The following SDCCAG8 variants were observed in gnomAD, a reference collection of about 807,000 sequenced individuals.
SDCCAG8 encodes the protein serologically defined colon cancer antigen 8.
In SDCCAG8, 74 loss-of-function variants were observed where a neutral mutation model predicts 101.8. That is an observed-to-expected ratio of 0.73 (90% confidence interval 0.60 to 0.88). SDCCAG8 has a LOEUF of 0.88. Among genes scored for constraint, SDCCAG8 ranks in the 40% least tolerant of loss-of-function variants. SDCCAG8 has a pLI of 0.00. For synonymous variants in SDCCAG8, 281 were observed against 292.9 expected (o/e 0.96, Z 0.41); for missense variants, 787 against 822.6 (o/e 0.96, Z 0.53).
chr1:243,497,450 G>A (rs962673401), intron 17 of SDCCAG8, among the ~76,000 whole-genome samples: 24 of 152,012 alleles, frequency 1.6e-4, no homozygotes, highest in African/African-American at 5.8e-4. Context: ...AGATGGCCAT[G>A]GCTGATCTGC....
At chr1:243,469,909 C>T (rs1660893006) in intron 16 of SDCCAG8, among the ~76,000 whole-genome samples, 2 of 147,248 alleles carry the variant, frequency 1.4e-5, no homozygotes, top group Admixed American at 6.8e-5. Flanking sequence ...ACCTATCTCT[C>T]AGAGTTTCTT....
chr1:243,268,203 G>T, intron 1 of SDCCAG8: 1 of 502,038 alleles, frequency 2.0e-6, no homozygotes, highest in Non-Finnish European at 3.6e-6. Flanking sequence ...TAGTCAAACT[G>T]TCTCGTTCCT....
chr1:243,294,506 C>CGAGAGAGAGA (rs74162272), intron 6 of SDCCAG8, among the ~76,000 whole-genome samples: 12,461 of 105,902 alleles, frequency 0.12, 1,136 homozygotes, highest in Admixed American at 0.15. Context: ...AGAGAAAGAG[C>CGAGAGAGAGA]GAGAGAGAGA....
At chr1:243,328,301 C>T (rs536134208) in intron 9 of SDCCAG8, among the ~76,000 whole-genome samples, 4 of 149,552 alleles carry the variant, frequency 2.7e-5, no homozygotes, top group East Asian at 2.0e-4. Flanking sequence ...TTTTTGGGGA[C>T]GGAGTCACAC....
chr1:243,446,951 G>A (rs928955379), intron 16 of SDCCAG8, among the ~76,000 whole-genome samples: 2 of 152,062 alleles, frequency 1.3e-5, no homozygotes, highest in African/African-American at 4.8e-5. Context: ...GGAAACTCTT[G>A]GATTAAGAAC....
chr1:243,389,391 G>C (rs1419905208), intron 13 of SDCCAG8, among the ~76,000 whole-genome samples: 1 of 152,246 alleles, frequency 6.6e-6, no homozygotes, highest in East Asian at 1.9e-4. Context: ...AAGAAGCACA[G>C]CTAAATCTCT....
intron 9 of SDCCAG8, among the ~76,000 whole-genome samples, chr1:243,317,855 TG>T (rs1009497673): frequency 6.6e-6 from 1 of 152,228 alleles, no homozygotes; most frequent in African/African-American, 2.4e-5. Context: ...TAGCAAATAT[TG>T]GACAGTGCAG....
intron 6 of SDCCAG8, among the ~76,000 whole-genome samples, chr1:243,294,506 C>CGAGAGAGAGAGGGAGAGAGA (rs2070636461): frequency 9.4e-6 from 1 of 105,884 alleles, no homozygotes; most frequent in African/African-American, 3.2e-5. Context: ...AGAGAAAGAG[C>CGAGAGAGAGAGGGAGAGAGA]GAGAGAGAGA....
chr1:243,436,363 T>C (rs950371538), intron 16 of SDCCAG8, among the ~76,000 whole-genome samples: 7 of 152,182 alleles, frequency 4.6e-5, no homozygotes. Flanking sequence ...TTTTATAGTT[T>C]CGTGTTTTAC....
chr1:243,472,033 C>CA (rs1661370820), intron 16 of SDCCAG8, among the ~76,000 whole-genome samples: 1 of 152,188 alleles, frequency 6.6e-6, no homozygotes, highest in Non-Finnish European at 1.5e-5. Context: ...AGTGAGACCT[C>CA]ACAACTAGAA....
rs777679135 is a variant in SDCCAG8, at chr1:243,304,704, T to C, written c.676-9T>C. On this transcript the variant is annotated splice_polypyrimidine_tract_variant and intron_variant, in intron 6 of 17. Coordinates refer to ENST00000366541, the MANE Select transcript of SDCCAG8 (RefSeq NM_006642.5). ...GAGAAAAATGTACTTCTATTTTTCT[T>C]TTCTATAGGAGAAGCTAAAACTTAC... 2.5e-5 allele frequency: 37 copies of C among 1,483,038 alleles called. No homozygotes were observed. The highest frequency in any genetic ancestry group is 1.7e-4 in the Middle Eastern group (1 of 5,790). The allele number at this position is 1,483,038 out of a possible 1,614,324, so 91.9% of individuals were successfully genotyped here.
In SDCCAG8 at chr1:243,353,348, G is replaced by A. The variant is rs919388657; in HGVS notation, c.1473+9017G>A. On this transcript the variant is annotated intron_variant, in intron 12 of 17. Transcript: ENST00000366541. Reference sequence around the variant, plus strand: ...TCTACTAAAAATTCAAAAATTAGCCGGGTGTGGTGGCGCGCGCCTGTAATC... The same window carrying A: ...TCTACTAAAAATTCAAAAATTAGCCAGGTGTGGTGGCGCGCGCCTGTAATC... 4.0e-5 allele frequency among the ~76,000 whole-genome samples: 6 copies of A among 151,332 alleles called. 1 individual carries two copies. Among genetic ancestry groups the A allele is most frequent in the Admixed American group, 2.0e-4 (3 of 15,160 alleles).
intron 1 of SDCCAG8, among the ~76,000 whole-genome samples, chr1:243,258,964 C>T (rs1026824026): frequency 7.0e-6 from 1 of 142,782 alleles, no homozygotes; most frequent in African/African-American, 2.5e-5. Context: ...GGTCTTTCCT[C>T]ACCGGTTTTT....
chr1:243,326,711 G>A (rs1479647651), intron 9 of SDCCAG8, among the ~76,000 whole-genome samples: 4 of 152,128 alleles, frequency 2.6e-5, no homozygotes, highest in Admixed American at 1.3e-4. Flanking sequence ...ATGTTCAAAG[G>A]TGTGAGCTGT....
intron 16 of SDCCAG8, among the ~76,000 whole-genome samples, chr1:243,482,326 A>G (rs759533410): frequency 5.9e-5 from 9 of 152,130 alleles, no homozygotes; most frequent in African/African-American, 4.8e-5. Flanking sequence ...TGTTGGACCA[A>G]TGGAGATCTG....
intron 16 of SDCCAG8, among the ~76,000 whole-genome samples, chr1:243,477,336 G>C (rs1239161776): frequency 2.6e-5 from 4 of 152,030 alleles, no homozygotes; most frequent in Non-Finnish European, 4.4e-5. Flanking sequence ...CATTTCCTTT[G>C]CACAGTGGGG....
intron 13 of SDCCAG8, among the ~76,000 whole-genome samples, chr1:243,386,220 T>A (rs7531548): frequency 6.6e-6 from 1 of 152,030 alleles, no homozygotes; most frequent in African/African-American, 2.4e-5. Flanking sequence ...GAAAGGAGTC[T>A]TCTAAGGTTA....
intron 8 of SDCCAG8, among the ~76,000 whole-genome samples, chr1:243,315,002 G>A (rs751768799): frequency 6.5e-4 from 99 of 152,154 alleles, no homozygotes; most frequent in Non-Finnish European, 1.3e-3. Flanking sequence ...GAGCCACTGC[G>A]CCTGGCCTTT....
chr1:243,388,443 A>G (rs896605326), intron 13 of SDCCAG8, among the ~76,000 whole-genome samples: 2 of 152,128 alleles, frequency 1.3e-5, no homozygotes, highest in African/African-American at 4.8e-5. Context: ...TCAGAACCAC[A>G]TGGAATAAGG....
Sources: gnomAD v4.1 joint callset for allele counts (sites outside exome capture counted in the v4.1 genomes callset) on GRCh38, gnomAD v4.1.1 for gene constraint, MANE v1.5 for transcripts, NCBI Gene and HGNC (gene_info 2026-07-23, HGNC 2026-07-21) for gene names.